Variants in NUP98 observed in about 807,000 individuals in gnomAD.
The protein encoded by NUP98 is nuclear pore complex protein Nup98-Nup96.
A neutral mutation model predicts 191.9 loss-of-function variants in NUP98; 26 were observed. The ratio of observed to expected loss-of-function variants is 0.14; its 90% confidence interval spans 0.10 to 0.19. The LOEUF (loss-of-function observed/expected upper bound fraction) is 0.19. Ranked by LOEUF, NUP98 falls within the 10% of genes least tolerant of loss-of-function variation. The pLI is 1.00. For synonymous variants in NUP98, 808 were observed against 778.4 expected (o/e 1.04, Z -0.63); for missense variants, 1,941 against 2,178.8 (o/e 0.89, Z 2.17).
chr11:3,679,869 T>C, intron 30 of NUP98, 161 bp from the exon 31 acceptor site: 1 of 680,864 alleles, frequency 1.5e-6, no homozygotes, highest in East Asian at 2.7e-5. Context: ...GTGGGTTTCA[T>C]TTCAGACCAC....
chr11:3,722,746 G>A (rs978334413), intron 16 of NUP98, among the ~76,000 whole-genome samples: 35 of 152,148 alleles, frequency 2.3e-4, no homozygotes, highest in African/African-American at 8.5e-4. Context: ...CCTGGAGGTT[G>A]AGGTTGCAGT....
chr11:3,699,195 G>A lies in NUP98; in HGVS notation c.3896C>T (p.Pro1299Leu). 6.2e-7 allele frequency: 1 copy of A among 1,614,142 alleles called. No individual in the cohort carries two copies. Among genetic ancestry groups the A allele is most frequent in the Non-Finnish European group, 8.5e-7 (1 of 1,180,018 alleles). Residue 1299 changes from proline to leucine, a missense_variant, in exon 25 of 33, where the codon CCT becomes CTT. Physicochemically the swap from Pro to Leu is moderately conservative, Grantham distance 98 (BLOSUM62 -3). Around this residue, in one of 6 missense-constraint regions of NUP98, gnomAD observed 1,030 missense variants for 1,115.8 expected, o/e 0.92. Coordinates refer to ENST00000324932, the MANE Select transcript of NUP98 (RefSeq NM_016320.5). The part of the protein sequence containing the change: ...FSRWLSCTAT[P>L]QIEEEVSLTQ... ...TAAGGAGACTTCCTCTTCAATCTGAGGTGTGGCAGTACAGGATAGCCAGCG... is the reference window on the plus strand; with the variant it reads ...TAAGGAGACTTCCTCTTCAATCTGAAGTGTGGCAGTACAGGATAGCCAGCG...
intron 14 of NUP98, among the ~76,000 whole-genome samples, chr11:3,729,672 A>G (rs2079762599): frequency 7.3e-6 from 1 of 136,352 alleles, no homozygotes. Context: ...GTATGATTGC[A>G]CCACTGCACT....
chr11:3,703,043 T>C lies in NUP98; in HGVS notation c.3083-151A>G, dbSNP rs11827860. The C allele has an allele frequency of 2.2e-3, 1,452 of 662,928 alleles. 14 individuals carry two copies. The African/African-American group carries it at 0.023, about 11-fold the overall frequency. 41.1% of individuals were successfully genotyped at this position (662,928 alleles called of 1,614,324 possible). A position where few individuals can be genotyped will look rare whatever the true frequency, so the allele number is the denominator to read the frequency against. On this transcript the variant is annotated intron_variant, in intron 22 of 32. Transcript: ENST00000324932. ...TGTGGATGACCAGAAGCAGGCTAAG[T>C]CAGATTTTGCAGAAATTACTCTTTG...
At chr11:3,705,070 T>G in intron 22 of NUP98, 130 bp downstream of exon 22, 2 of 831,058 alleles carry the variant, frequency 2.4e-6, no homozygotes, top group Non-Finnish European at 3.8e-6. Flanking sequence ...CTTAGCACCC[T>G]TATGTCACAG....
intron 11 of NUP98, among the ~76,000 whole-genome samples, chr11:3,745,400 A>G (rs190570208): frequency 1.3e-5 from 2 of 152,262 alleles, no homozygotes; most frequent in East Asian, 3.9e-4. Flanking sequence ...TTCAGCACGA[A>G]CCAGAGTGGT....
At chr11:3,700,004 G>A (rs1219633347) in intron 24 of NUP98, among the ~76,000 whole-genome samples, 2 of 152,186 alleles carry the variant, frequency 1.3e-5, no homozygotes, top group Admixed American at 1.3e-4. Flanking sequence ...TTACAACAAA[G>A]CTGTTGAGAA....
At chr11:3,706,041 C>A (rs933563051) in intron 21 of NUP98, among the ~76,000 whole-genome samples, 1 of 149,952 alleles carries the variant, frequency 6.7e-6, no homozygotes, top group Non-Finnish European at 1.5e-5. Flanking sequence ...TGGTGGTACA[C>A]GCCTGTAATC....
intron 7 of NUP98, among the ~76,000 whole-genome samples, chr11:3,769,510 A>C (rs769946579): frequency 6.7e-6 from 1 of 148,996 alleles, no homozygotes; most frequent in Non-Finnish European, 1.5e-5. Flanking sequence ...CAAGAGTTCA[A>C]GGCTGCAGTG....
chr11:3,677,556 A>T (rs1286404487), intron 31 of NUP98, among the ~76,000 whole-genome samples: 1 of 151,856 alleles, frequency 6.6e-6, no homozygotes, highest in Non-Finnish European at 1.5e-5. Flanking sequence ...CATTGATAGT[A>T]CCCTTTGCTT....
At position 3,753,413 on chromosome 11, in the gene NUP98, G is replaced by A. The variant is rs1356665541; in HGVS notation, c.1175-5C>T. 3 of 1,607,044 alleles carry A rather than the reference G, an allele frequency of 1.9e-6. No homozygotes were observed. Among genetic ancestry groups the A allele is most frequent in the South Asian group, 1.1e-5 (1 of 90,884 alleles). ...CACTGGTATTTGTGCCAAAACCTAG[G>A]AAGACAAAAGAATGAGTGGATTGTA... On this transcript the variant is annotated splice_polypyrimidine_tract_variant and splice_region_variant and intron_variant, in intron 10 of 32. Coordinates refer to ENST00000324932, the MANE Select transcript of NUP98 (RefSeq NM_016320.5).
Position 3,700,601 on chromosome 11 carries a change from T to G in NUP98, c.3742+9A>C. ...GACATCAAACATTAGAAACATAGTG[T>G]GTACTCACTTTGTGCTTCTGGTAAG... On this transcript the variant is annotated intron_variant, in intron 24 of 32. Coordinates refer to ENST00000324932, the MANE Select transcript of NUP98 (RefSeq NM_016320.5). 1 of 1,561,774 alleles carries G rather than the reference T, an allele frequency of 6.4e-7. No homozygotes were observed. Among genetic ancestry groups the G allele is most frequent in the East Asian group, 2.2e-5 (1 of 44,610 alleles).
intron 8 of NUP98, among the ~76,000 whole-genome samples, chr11:3,766,066 A>G (rs1480026990): frequency 1.3e-5 from 2 of 152,138 alleles, no homozygotes; most frequent in African/African-American, 4.8e-5. Flanking sequence ...CTATTGCTTT[A>G]TAGTAAGTTT....
At chr11:3,773,782 C>G (rs201406956) in intron 5 of NUP98, 43 bp from the exon 6 acceptor site, 142 of 1,124,222 alleles carry the variant, frequency 1.3e-4, no homozygotes, top group Non-Finnish European at 1.2e-5. Context: ...CCAAGTTTTA[C>G]ATTCCTACTC....
intron 2 of NUP98, among the ~76,000 whole-genome samples, chr11:3,780,842 G>A (rs2081944103): frequency 6.6e-6 from 1 of 152,010 alleles, no homozygotes; most frequent in Admixed American, 6.6e-5. Flanking sequence ...CACTTTGGGA[G>A]GCCGAGGCGG....
At chr11:3,747,789 G>A (rs2080563250) in intron 11 of NUP98, among the ~76,000 whole-genome samples, 1 of 152,202 alleles carries the variant, frequency 6.6e-6, no homozygotes, top group Non-Finnish European at 1.5e-5. Context: ...AATACAGCCT[G>A]AAGCTATAGT....
chr11:3,709,608 G>T (rs188167324), intron 20 of NUP98, among the ~76,000 whole-genome samples: 18 of 151,638 alleles, frequency 1.2e-4, no homozygotes, highest in Middle Eastern at 6.8e-3. Context: ...GGGAGGTTGA[G>T]GTGGGAAGGA....
Position 3,782,131 on chromosome 11 carries a change from CTT to C in NUP98, c.-16_-15del, listed in dbSNP as rs2081989954. 1.3e-6 allele frequency: 2 copies of C among 1,590,250 alleles called. No individual in the cohort carries two copies. Among genetic ancestry groups the C allele is most frequent in the Non-Finnish European group, 1.7e-6 (2 of 1,163,068 alleles). On this transcript the variant is annotated 5_prime_UTR_variant, in exon 2 of 33. Transcript: ENST00000324932. ...TTTGTTAAACATCTTCAAAATGAGT[CTT>C]TGTTTCAGAAAGCTGGGAAAAAGAA...
intron 19 of NUP98, 44 bp from the exon 20 acceptor site, chr11:3,712,772 T>C (rs1307043944): frequency 6.3e-7 from 1 of 1,584,838 alleles, no homozygotes; most frequent in South Asian, 1.1e-5. Context: ...AACATTATGC[T>C]TTCCCAATAC....
Sources: gnomAD v4.1 joint callset for allele counts (sites outside exome capture counted in the v4.1 genomes callset) on GRCh38, gnomAD v4.1.1 for gene constraint, gnomAD v4.1.1 regional missense constraint, MANE v1.5 for transcripts, NCBI Gene and HGNC (gene_info 2026-07-23, HGNC 2026-07-21) for gene names.